Variants in CDK6 observed in about 807,000 individuals in gnomAD.
CDK6 encodes the protein cyclin-dependent kinase 6.
In CDK6, 6 loss-of-function variants were observed where a neutral mutation model predicts 37.1. The observed-to-expected ratio is 0.16, with a 90% CI of 0.09 to 0.32. The LOEUF is 0.32. Among genes scored for constraint, CDK6 ranks in the 10% least tolerant of loss-of-function variants. The pLI, the probability that CDK6 is intolerant of heterozygous loss-of-function variation, is 1.00. For missense variants in CDK6, 224 were observed against 418.9 expected (o/e 0.53, Z 4.06); for synonymous variants, 160 against 161.3 (o/e 0.99, Z 0.06).
intron 2 of CDK6, among the ~76,000 whole-genome samples, chr7:92,801,810 TG>T (rs1407709004): frequency 6.6e-6 from 1 of 152,014 alleles, no homozygotes; most frequent in Non-Finnish European, 1.5e-5. Flanking sequence ...TTGGTAGAGA[TG>T]GGGTTTTGCC....
intron 5 of CDK6, among the ~76,000 whole-genome samples, chr7:92,634,132 T>G (rs183772198): frequency 1.3e-5 from 2 of 152,294 alleles, no homozygotes; most frequent in East Asian, 3.9e-4. Flanking sequence ...CACAGATACT[T>G]CCTATAGTTT....
intron 5 of CDK6, among the ~76,000 whole-genome samples, chr7:92,657,413 T>C (rs60557253): frequency 1.8e-3 from 267 of 152,330 alleles, no homozygotes; most frequent in African/African-American, 5.9e-3. Context: ...ATGAAGCACC[T>C]AAATTCTGCC....
chr7:92,787,389 T>C (rs747349681), intron 2 of CDK6, among the ~76,000 whole-genome samples: 24 of 152,134 alleles, frequency 1.6e-4, no homozygotes, highest in Non-Finnish European at 2.8e-4. Flanking sequence ...ACTCACGTAC[T>C]TTTCTTCAAT....
intron 2 of CDK6, among the ~76,000 whole-genome samples, chr7:92,809,531 T>C (rs1392789300): frequency 3.3e-5 from 5 of 152,194 alleles, no homozygotes; most frequent in Non-Finnish European, 5.9e-5. Context: ...AAGTTTGAAC[T>C]CCATTTCCTT....
rs528883486 is a variant in CDK6 at position 92,793,387 on chromosome 7, T to C, written c.234-18556A>G. On this transcript the variant is annotated intron_variant, in intron 2 of 7. Transcript: ENST00000424848. ...TGTAGTACCTAAGACAGTATGGTAC[T>C]GGCATAAAGATAAACAAACAGATCA... is the stretch of plus-strand genomic sequence containing the variant. Among the ~76,000 whole-genome samples the C allele has an allele frequency of 5.9e-5, 9 of 152,290 alleles. No individual in the cohort carries two copies. The South Asian group carries it at 1.7e-3, about 28-fold the overall frequency.
At chr7:92,646,743 A>G (rs961414879) in intron 5 of CDK6, among the ~76,000 whole-genome samples, 6 of 152,118 alleles carry the variant, frequency 3.9e-5, no homozygotes, top group African/African-American at 1.4e-4. Flanking sequence ...TCATTAATTG[A>G]GAGAAGAATC....
chr7:92,815,085 A>G (rs958396026), intron 2 of CDK6, among the ~76,000 whole-genome samples: 5 of 152,210 alleles, frequency 3.3e-5, no homozygotes, highest in Admixed American at 6.5e-5. Context: ...AAAGGGAGGA[A>G]GAAGGGCAGC....
intron 2 of CDK6, among the ~76,000 whole-genome samples, chr7:92,783,086 C>T (rs191841283): frequency 7.9e-5 from 12 of 152,280 alleles, no homozygotes; most frequent in Admixed American, 7.2e-4. Context: ...AGCTTCCTCT[C>T]AGACCCTACT....
chr7:92,729,490 C>T (rs1393291628), intron 3 of CDK6, among the ~76,000 whole-genome samples: 5 of 152,130 alleles, frequency 3.3e-5, no homozygotes, highest in Non-Finnish European at 7.3e-5. Flanking sequence ...ACATGCGACT[C>T]GCAAGCATGT....
At chr7:92,718,840 G>A (rs147608119) in intron 4 of CDK6, among the ~76,000 whole-genome samples, 159 of 152,276 alleles carry the variant, frequency 1.0e-3, no homozygotes, top group African/African-American at 3.5e-3. Context: ...TTCTTTGTGT[G>A]ACTATCTGAT....
intron 3 of CDK6, among the ~76,000 whole-genome samples, chr7:92,749,858 T>C (rs1484424468): frequency 6.6e-6 from 1 of 152,348 alleles, no homozygotes; most frequent in South Asian, 2.1e-4. Flanking sequence ...ACTTTGATAG[T>C]GCATAGTGAG....
chr7:92,740,718 G>C (rs544265584), intron 3 of CDK6, among the ~76,000 whole-genome samples: 19 of 152,114 alleles, frequency 1.2e-4, no homozygotes, highest in Non-Finnish European at 2.6e-4. Flanking sequence ...TGTATCATGA[G>C]CCAACTTGTG....
chr7:92,704,624 T>C (rs1797928180), intron 4 of CDK6, among the ~76,000 whole-genome samples: 1 of 152,248 alleles, frequency 6.6e-6, no homozygotes, highest in Non-Finnish European at 1.5e-5. Flanking sequence ...CTCAATATTA[T>C]TGCTAATATT....
rs1220671993 is a variant in CDK6 at position 92,834,194 on chromosome 7, G to T, written c.-367-504C>A. Among the ~76,000 whole-genome samples, 1 of 152,146 alleles carries T rather than the reference G, an allele frequency of 6.6e-6. No homozygotes were observed. ...GGAAGGACTGTGGGTCCATCCGTGT[G>T]GGGCCGCAGAATGTGGGTGGGGGCT... On this transcript the variant is annotated intron_variant, in intron 1 of 7. Transcript: ENST00000424848. This position sits in a 1 kb window ranked among gnomAD's most constrained non-coding sequence, Gnocchi z 4.6.
intron 2 of CDK6, among the ~76,000 whole-genome samples, chr7:92,810,623 A>G (rs1800853681): frequency 6.6e-6 from 1 of 152,256 alleles, no homozygotes; most frequent in Non-Finnish European, 1.5e-5. Context: ...GTCTCAGGCT[A>G]GCTTCTATGC....
chr7:92,822,749 T>C (rs1406907936), intron 2 of CDK6, among the ~76,000 whole-genome samples: 3 of 152,098 alleles, frequency 2.0e-5, no homozygotes, highest in African/African-American at 4.8e-5. Flanking sequence ...CAGACAGCAA[T>C]GCCATTTTAT....
intron 3 of CDK6, among the ~76,000 whole-genome samples, chr7:92,771,660 C>T (rs1799721873): frequency 6.6e-6 from 1 of 152,152 alleles, no homozygotes; most frequent in African/African-American, 2.4e-5. Context: ...TTTCTCATGC[C>T]TAATTCAATT....
At chr7:92,704,379 T>C (rs957527388) in intron 4 of CDK6, among the ~76,000 whole-genome samples, 7 of 152,204 alleles carry the variant, frequency 4.6e-5, no homozygotes, top group African/African-American at 1.7e-4. Flanking sequence ...AATGATGTGA[T>C]AGCTACTTGG....
chr7:92,700,977 C>T (rs1215718317), intron 4 of CDK6, among the ~76,000 whole-genome samples: 1 of 152,250 alleles, frequency 6.6e-6, no homozygotes, highest in Non-Finnish European at 1.5e-5. Flanking sequence ...GAGTGAAGTC[C>T]TTAGTTACAG....
Sources: gnomAD v4.1 joint callset for allele counts (sites outside exome capture counted in the v4.1 genomes callset) on GRCh38, gnomAD v4.1.1 for gene constraint, Gnocchi (gnomAD v3.1) non-coding constraint, MANE v1.5 for transcripts, NCBI Gene and HGNC (gene_info 2026-07-23, HGNC 2026-07-21) for gene names.